CDH18: variants seen among roughly 807,000 people sequenced by gnomAD.
CDH18 encodes cadherin 18.
CDH18 carries 31 observed loss-of-function variants against 67.9 expected under a neutral mutation model. The ratio of observed to expected loss-of-function variants is 0.46; its 90% confidence interval spans 0.34 to 0.62. The LOEUF is 0.62. CDH18 is among the 20% of genes least tolerant of loss of function. The pLI is 0.01. For missense variants in CDH18, 890 were observed against 975.5 expected, an observed-to-expected ratio of 0.91 and a Z score of 1.17; for synonymous variants, 362 against 347.2, an observed-to-expected ratio of 1.04 and a Z score of -0.48.
intron 9 of CDH18, among the ~76,000 whole-genome samples, chr5:19,539,711 C>A (rs1477951275): frequency 1.3e-5 from 2 of 152,134 alleles, no homozygotes; most frequent in East Asian, 1.9e-4. Flanking sequence ...AAAGCCTGTG[C>A]AGAACTCCCC....
At chr5:20,112,478 T>C (rs576818259) in intron 2 of CDH18, among the ~76,000 whole-genome samples, 5 of 152,292 alleles carry the variant, frequency 3.3e-5, no homozygotes, top group Admixed American at 6.5e-5. Flanking sequence ...TGCTAAAAAG[T>C]GGTTAGCATA....
intron 2 of CDH18, among the ~76,000 whole-genome samples, chr5:20,128,809 G>A (rs1749033173): frequency 6.6e-6 from 1 of 151,896 alleles, no homozygotes; most frequent in Non-Finnish European, 1.5e-5. Flanking sequence ...AAATGTTGAA[G>A]ACATTTTAAG....
Position 19,979,724 on chromosome 5 carries a change from T to C in CDH18, c.-257+1336A>G, listed in dbSNP as rs185931268. Reference sequence around the variant, plus strand: ...AAAATACGTTGACTAATAAAATACATAGATGATTAAATGAGTACTTTGTGG... The same window carrying C: ...AAAATACGTTGACTAATAAAATACACAGATGATTAAATGAGTACTTTGTGG... On this transcript the variant is annotated intron_variant, in intron 2 of 12. Transcript: ENST00000382275. Among the ~76,000 whole-genome samples the C allele has an allele frequency of 1.9e-4, 29 of 152,278 alleles. No individual in the cohort carries two copies. In the East Asian group the frequency reaches 2.3e-3, roughly 12 times the overall value.
At chr5:19,992,674 G>T (rs1017044984), upstream of CDH18, among the ~76,000 whole-genome samples, 1 of 151,974 alleles carries the variant, frequency 6.6e-6, no homozygotes, top group Non-Finnish European at 1.5e-5. Flanking sequence ...GGGACCACCT[G>T]GGTTTGCATT....
chr5:20,345,665 A>T (rs1490597872), intron 1 of CDH18, among the ~76,000 whole-genome samples: 1 of 152,146 alleles, frequency 6.6e-6, no homozygotes, highest in Non-Finnish European at 1.5e-5. Context: ...AACCCAGGAT[A>T]TAACAAAAGG....
intron 3 of CDH18, among the ~76,000 whole-genome samples, chr5:19,785,711 T>G (rs1474993545): frequency 1.0e-5 from 1 of 97,986 alleles, no homozygotes; most frequent in African/African-American, 3.9e-5. Context: ...TATATATATA[T>G]ATATATATAT....
At chr5:19,787,097 C>T (rs529753301) in intron 3 of CDH18, among the ~76,000 whole-genome samples, 1 of 152,166 alleles carries the variant, frequency 6.6e-6, no homozygotes, top group Admixed American at 6.5e-5. Flanking sequence ...GAAGAAGAAT[C>T]TTTGTGGAGA....
rs371083186 is a variant in CDH18 at position 19,636,338 on chromosome 5, CAT to C, written c.644-23739_644-23738del. 3.0e-4 allele frequency among the ~76,000 whole-genome samples: 46 copies of C among 152,030 alleles called. No homozygotes were observed. The East Asian group carries it at 8.5e-3, about 28-fold the overall frequency. On this transcript the variant is annotated intron_variant, in intron 5 of 12. Transcript: ENST00000382275. ...CATAATTAACATATATATTACACCA[CAT>C]AGTTATCCTGTTTTAATGGTTAAAA...
intron 1 of CDH18, among the ~76,000 whole-genome samples, chr5:20,557,398 A>C (rs2126637228): frequency 6.6e-6 from 1 of 152,260 alleles, no homozygotes; most frequent in African/African-American, 2.4e-5. Flanking sequence ...AATAAAAATT[A>C]AATATTAAAA....
At position 20,543,287 on chromosome 5, in the gene CDH18, G is replaced by T. The variant is rs1363554904; in HGVS notation, c.-580+32175C>A. Among the ~76,000 whole-genome samples, 3 of 151,924 alleles carry T rather than the reference G, an allele frequency of 2.0e-5. No homozygotes were observed. In the East Asian group the frequency reaches 5.8e-4, roughly 29 times the overall value. ...CTTATATTTCATCTTATTGTTAGAA[G>T]TTCAAATTTTATATATTTTTCTATT... On this transcript the variant is annotated intron_variant, in intron 1 of 14. Coordinates refer to the CDH18 transcript ENST00000507958.
intron 5 of CDH18, among the ~76,000 whole-genome samples, chr5:19,701,438 C>A (rs1350410335): frequency 6.6e-6 from 1 of 151,682 alleles, no homozygotes; most frequent in African/African-American, 2.4e-5. Flanking sequence ...GGAGATGAGA[C>A]CCTTATGAAA....
At chr5:20,324,106 T>A (rs1226863733) in intron 1 of CDH18, among the ~76,000 whole-genome samples, 2 of 152,308 alleles carry the variant, frequency 1.3e-5, no homozygotes, top group African/African-American at 2.4e-5. Flanking sequence ...ATATACTACA[T>A]CGATTTAAAA....
intron 5 of CDH18, among the ~76,000 whole-genome samples, chr5:19,709,946 C>T (rs1764503705): frequency 6.6e-6 from 1 of 151,958 alleles, no homozygotes; most frequent in Admixed American, 6.6e-5. Flanking sequence ...ACCAGCCTGG[C>T]CAACATTGTG....
chr5:19,723,749 T>C (rs1037007562), intron 4 of CDH18, among the ~76,000 whole-genome samples: 2 of 152,162 alleles, frequency 1.3e-5, no homozygotes, highest in Admixed American at 1.3e-4. Flanking sequence ...GTTTTGCTCA[T>C]GTTGCCCTGG....
chr5:19,786,747 G>A (rs1281111189), intron 3 of CDH18, among the ~76,000 whole-genome samples: 2 of 152,070 alleles, frequency 1.3e-5, no homozygotes, highest in Admixed American at 1.3e-4. Context: ...TGTGCACCTA[G>A]AGAAAATCCT....
intron 2 of CDH18, among the ~76,000 whole-genome samples, chr5:20,016,916 A>G (rs954756704): frequency 4.6e-5 from 7 of 152,182 alleles, no homozygotes; most frequent in African/African-American, 1.2e-4. Flanking sequence ...CAAAAGTACC[A>G]TGAATGTACA....
chr5:19,477,591 CA>C (rs909104228), intron 12 of CDH18, among the ~76,000 whole-genome samples: 2 of 150,878 alleles, frequency 1.3e-5, no homozygotes, highest in Admixed American at 6.6e-5. Flanking sequence ...GAAATGTTTC[CA>C]AAAAAAATCC....
At chr5:19,847,091 T>G (rs1783068077) in intron 2 of CDH18, among the ~76,000 whole-genome samples, 1 of 152,108 alleles carries the variant, frequency 6.6e-6, no homozygotes, top group Non-Finnish European at 1.5e-5. Context: ...GTAGTTTGAT[T>G]GTAATGTATC....
At chr5:20,343,601 A>T (rs1740448955) in intron 1 of CDH18, among the ~76,000 whole-genome samples, 1 of 152,162 alleles carries the variant, frequency 6.6e-6, no homozygotes, top group African/African-American at 2.4e-5. Context: ...AAAGCAGGAT[A>T]TACAATGGTC....
Sources: gnomAD v4.1 joint callset for allele counts (sites outside exome capture counted in the v4.1 genomes callset) on GRCh38, gnomAD v4.1.1 for gene constraint, MANE v1.5 for transcripts, NCBI Gene and HGNC (gene_info 2026-07-23, HGNC 2026-07-21) for gene names.